PRKG1: variants seen among roughly 807,000 people sequenced by gnomAD.
The protein encoded by PRKG1 is cGMP-dependent protein kinase 1.
In PRKG1, 35 loss-of-function variants were observed where a neutral mutation model predicts 88.1. The observed-to-expected ratio is 0.40, with a 90% CI of 0.30 to 0.53. PRKG1 has a LOEUF of 0.53. Among genes scored for constraint, PRKG1 ranks in the 20% least tolerant of loss-of-function variants. The pLI, the probability that PRKG1 is intolerant of heterozygous loss-of-function variation, is 0.59. For synonymous variants in PRKG1, 303 were observed against 292.5 expected (o/e 1.04, Z -0.37); for missense variants, 540 against 839.8 (o/e 0.64, Z 4.41).
intron 3 of PRKG1, among the ~76,000 whole-genome samples, chr10:51,529,878 T>A (rs1020414700): frequency 9.9e-5 from 15 of 152,258 alleles, no homozygotes; most frequent in Non-Finnish European, 1.9e-4. Flanking sequence ...TTTGTCACTT[T>A]ATAATTCCAA....
chr10:52,280,009 C>T (rs1445166410), intron 12 of PRKG1, among the ~76,000 whole-genome samples: 1 of 151,910 alleles, frequency 6.6e-6, no homozygotes, highest in Non-Finnish European at 1.5e-5. Flanking sequence ...TTCATTCAAT[C>T]AATCAATCAA....
At chr10:51,980,758 T>G (rs1843986626) in intron 5 of PRKG1, among the ~76,000 whole-genome samples, 1 of 152,228 alleles carries the variant, frequency 6.6e-6, no homozygotes, top group Non-Finnish European at 1.5e-5. Flanking sequence ...TCTTTTTAAA[T>G]TATTGTTGGT....
intron 4 of PRKG1, among the ~76,000 whole-genome samples, chr10:51,898,527 T>TAA (rs1454424724): frequency 1.3e-5 from 2 of 152,076 alleles, no homozygotes; most frequent in African/African-American, 2.4e-5. Context: ...AACAACAATT[T>TAA]TTTTCCAATA....
chr10:51,594,827 A>G lies in PRKG1; in HGVS notation c.592+126991A>G, dbSNP rs145773104. ...TATTTGATCACTTGAATTAGCAAAC[A>G]TTGTTTGTCTTAGACTTTAGTAACT... On this transcript the variant is annotated intron_variant, in intron 3 of 17. Transcript: ENST00000373980. Among the ~76,000 whole-genome samples, 560 of 152,304 alleles carry G rather than the reference A, an allele frequency of 3.7e-3. 3 individuals are homozygous for G. Among genetic ancestry groups the G allele is most frequent in the African/African-American group, 0.013 (520 of 41,556 alleles).
At chr10:51,564,927 A>G (rs1837561206) in intron 3 of PRKG1, among the ~76,000 whole-genome samples, 1 of 152,080 alleles carries the variant, frequency 6.6e-6, no homozygotes, top group Non-Finnish European at 1.5e-5. Context: ...CTTTGTGGAG[A>G]ATAGCATTCT....
At chr10:51,260,972 A>G (rs1026063126) in intron 2 of PRKG1, among the ~76,000 whole-genome samples, 1 of 152,228 alleles carries the variant, frequency 6.6e-6, no homozygotes, top group Admixed American at 6.5e-5. Context: ...TGCAGTTTAC[A>G]AAATATGTCG....
Position 51,566,847 on chromosome 10 carries a change from T to C in PRKG1, c.592+99011T>C, listed in dbSNP as rs12220785. Among the ~76,000 whole-genome samples the C allele has an allele frequency of 2.9e-3, 439 of 151,938 alleles. 14 individuals carry two copies. The East Asian group carries it at 0.073, about 25-fold the overall frequency. On this transcript the variant is annotated intron_variant, in intron 3 of 17. Coordinates refer to ENST00000373980, the MANE Select transcript of PRKG1 (RefSeq NM_006258.4). The stretch of plus-strand genomic sequence containing the variant: ...TTTAATATAAGTTCCCACTTCAATA[T>C]GATAAGGACACCCCATTGGGAAGAC...
chr10:51,588,540 T>C (rs1035499569), intron 3 of PRKG1, among the ~76,000 whole-genome samples: 16 of 152,172 alleles, frequency 1.1e-4, no homozygotes, highest in African/African-American at 3.4e-4. Context: ...AAAGTATTCA[T>C]ATCTAAATGG....
intron 1 of PRKG1, among the ~76,000 whole-genome samples, chr10:51,120,227 C>T (rs1013113899): frequency 5.3e-5 from 8 of 152,046 alleles, no homozygotes; most frequent in African/African-American, 1.4e-4. Flanking sequence ...TCTAAGATTA[C>T]AATTTTAATG....
intron 3 of PRKG1, among the ~76,000 whole-genome samples, chr10:51,677,214 T>A (rs987044269): frequency 6.6e-6 from 1 of 152,204 alleles, no homozygotes; most frequent in Non-Finnish European, 1.5e-5. Flanking sequence ...TGTATTTCTT[T>A]CATTTTTATT....
At chr10:51,406,343 T>A (rs1436876147) in intron 2 of PRKG1, among the ~76,000 whole-genome samples, 4 of 152,140 alleles carry the variant, frequency 2.6e-5, no homozygotes, top group African/African-American at 9.7e-5. Context: ...TCAAACTCTT[T>A]TTTTCTTCAT....
chr10:51,939,136 A>C (rs1414999800), intron 5 of PRKG1, among the ~76,000 whole-genome samples: 1 of 151,922 alleles, frequency 6.6e-6, no homozygotes, highest in Non-Finnish European at 1.5e-5. Context: ...CTATTATCTT[A>C]TTTTATTCTC....
chr10:51,889,292 G>T (rs1841655625), intron 4 of PRKG1, among the ~76,000 whole-genome samples: 1 of 141,948 alleles, frequency 7.0e-6, no homozygotes, highest in African/African-American at 2.7e-5. Flanking sequence ...TCCCACCTAT[G>T]AGTGAGAACA....
chr10:51,504,310 G>C (rs538550265), intron 3 of PRKG1, among the ~76,000 whole-genome samples: 8 of 152,140 alleles, frequency 5.3e-5, no homozygotes, highest in Admixed American at 5.2e-4. Flanking sequence ...TGAGGGCTCT[G>C]TTCTGTTCCA....
intron 1 of PRKG1, among the ~76,000 whole-genome samples, chr10:50,997,785 A>T (rs543552006): frequency 3.3e-5 from 5 of 152,318 alleles, no homozygotes; most frequent in African/African-American, 1.2e-4. Flanking sequence ...GTCTAGAGTC[A>T]TTGGTGTGCT....
At chr10:51,067,417 T>C (rs1843766461) in intron 1 of PRKG1, among the ~76,000 whole-genome samples, 1 of 151,994 alleles carries the variant, frequency 6.6e-6, no homozygotes, top group Non-Finnish European at 1.5e-5. Flanking sequence ...CTTGCTGTTT[T>C]CTGATGGAGG....
chr10:51,501,790 C>CTTTTTTTT (rs5784871), intron 3 of PRKG1, among the ~76,000 whole-genome samples: 7 of 113,768 alleles, frequency 6.2e-5, no homozygotes, highest in Non-Finnish European at 1.0e-4. Context: ...ACTTTAGTTT[C>CTTTTTTTT]TTTTTTTTTT....
intron 2 of PRKG1, among the ~76,000 whole-genome samples, chr10:51,193,109 T>C (rs1363900493): frequency 6.6e-6 from 1 of 152,038 alleles, no homozygotes; most frequent in Non-Finnish European, 1.5e-5. Flanking sequence ...GTTTGAAAGA[T>C]GAATGGGAGT....
chr10:51,438,574 T>C (rs570133962), intron 2 of PRKG1, among the ~76,000 whole-genome samples: 2 of 152,036 alleles, frequency 1.3e-5, no homozygotes, highest in African/African-American at 4.8e-5. Flanking sequence ...CAGGGTTATA[T>C]TATTTTTGAA....
Sources: allele counts gnomAD v4.1 joint callset (sites outside exome capture counted in the v4.1 genomes callset), GRCh38; gene constraint gnomAD v4.1.1; transcripts MANE v1.5; gene names NCBI Gene and HGNC (gene_info 2026-07-23, HGNC 2026-07-21).